Variants in KCNJ6 observed in about 807,000 individuals in gnomAD.
KCNJ6 encodes the protein potassium inwardly rectifying channel subfamily J member 6.
KCNJ6 carries 9 observed loss-of-function variants against 34.2 expected under a neutral mutation model. The observed-to-expected ratio is 0.26, with a 90% CI of 0.16 to 0.46. The LOEUF (loss-of-function observed/expected upper bound fraction) is 0.46. Among genes scored for constraint, KCNJ6 ranks in the 20% least tolerant of loss-of-function variants. The pLI is 1.00. For synonymous variants in KCNJ6, 196 were observed against 207.1 expected, an observed-to-expected ratio of 0.95 and a Z score of 0.46; for missense variants, 236 against 531.3, an observed-to-expected ratio of 0.44 and a Z score of 5.46.
At chr21:37,717,304 A>G (rs970547302) in intron 2 of KCNJ6, 1 of 151,406 alleles carries the variant, frequency 6.6e-6, no homozygotes, top group Non-Finnish European at 1.5e-5. Flanking sequence ...GGGGCTGTTG[A>G]GGTTGGGAGG....
At chr21:37,884,435 T>C (rs532789005) in intron 1 of KCNJ6, among the ~76,000 whole-genome samples, 27 of 152,090 alleles carry the variant, frequency 1.8e-4, no homozygotes, top group Admixed American at 6.6e-4. Context: ...TCCTTTCTGT[T>C]TCCATCACAG....
At chr21:37,680,374 G>C (rs1476180894) in intron 3 of KCNJ6, among the ~76,000 whole-genome samples, 1 of 152,170 alleles carries the variant, frequency 6.6e-6, no homozygotes, top group African/African-American at 2.4e-5. Flanking sequence ...CGAGCTCACA[G>C]AACAGTTGAC....
At chr21:37,771,800 G>A (rs76116721) in intron 2 of KCNJ6, among the ~76,000 whole-genome samples, 10 of 152,130 alleles carry the variant, frequency 6.6e-5, no homozygotes, top group African/African-American at 2.4e-4. Flanking sequence ...TGCTTTTTTC[G>A]GGGGGAAAAT....
rs147625179 is a variant in KCNJ6, at chr21:37,665,247, T to C, written c.947-39763A>G. Among the ~76,000 whole-genome samples the C allele has an allele frequency of 3.3e-3, 508 of 152,320 alleles. 2 individuals are homozygous for C. The highest frequency in any genetic ancestry group is 0.01 in the African/African-American group (420 of 41,568). On this transcript the variant is annotated intron_variant, in intron 3 of 3. Coordinates refer to ENST00000609713, the MANE Select transcript of KCNJ6 (RefSeq NM_002240.5). ...AAGGTTCACTGGCACATAGGATGCATTAAATAAACAGTAACTATTATTATC... is the reference window on the plus strand; with the variant it reads ...AAGGTTCACTGGCACATAGGATGCACTAAATAAACAGTAACTATTATTATC...
intron 3 of KCNJ6, among the ~76,000 whole-genome samples, chr21:37,684,045 T>C (rs1337806097): frequency 1.3e-5 from 2 of 152,228 alleles, no homozygotes; most frequent in Non-Finnish European, 2.9e-5. Flanking sequence ...AAACAAGAAA[T>C]GATCAAACTG....
chr21:37,714,809 G>T lies in KCNJ6; in HGVS notation c.348C>A (p.Tyr116Ter). ...FFGMIWWLIA[Y>*]IRGDMDHIED... The stretch of plus-strand genomic sequence containing the variant: ...CTATGTGGTCCATGTCTCCCCGTAT[G>T]TATGCGATCAACCACCAGATCATTC... Residue 116 changes from tyrosine to a stop codon, truncating the protein, a stop_gained, in exon 3 of 4, where the codon TAC becomes TAA. Transcript: ENST00000609713. LOFTEE classifies it high-confidence loss of function. The surrounding 1 kb of genome is among the most constrained non-coding windows in gnomAD (Gnocchi z 5.9). 6.2e-7 allele frequency: 1 copy of T among 1,614,206 alleles called. No homozygotes were observed. The highest frequency in any genetic ancestry group is 8.5e-7 in the Non-Finnish European group (1 of 1,180,050).
At chr21:37,677,861 C>G (rs2054573821) in intron 3 of KCNJ6, among the ~76,000 whole-genome samples, 1 of 151,372 alleles carries the variant, frequency 6.6e-6, no homozygotes, top group Non-Finnish European at 1.5e-5. Context: ...ATTCATCAAC[C>G]CATTCATCAA....
At chr21:37,794,519 C>T (rs914329046) in intron 2 of KCNJ6, among the ~76,000 whole-genome samples, 1 of 152,186 alleles carries the variant, frequency 6.6e-6, no homozygotes, top group African/African-American at 2.4e-5. Context: ...AGTTCTTTAT[C>T]GTTACACATG....
chr21:37,868,203 G>T (rs1406921628), intron 1 of KCNJ6, among the ~76,000 whole-genome samples: 1 of 152,170 alleles, frequency 6.6e-6, no homozygotes, highest in Non-Finnish European at 1.5e-5. Context: ...CAATAAATAC[G>T]GTGGAGGGTA....
intron 2 of KCNJ6, among the ~76,000 whole-genome samples, chr21:37,822,198 T>C (rs2055376073): frequency 6.6e-6 from 1 of 152,194 alleles, no homozygotes. Context: ...GACAGGTCCC[T>C]TGTCATGCTA....
intron 3 of KCNJ6, among the ~76,000 whole-genome samples, chr21:37,699,448 T>A (rs1435943515): frequency 6.6e-6 from 1 of 152,218 alleles, no homozygotes. Context: ...TACCTCATAT[T>A]CATATTAATT....
intron 3 of KCNJ6, among the ~76,000 whole-genome samples, chr21:37,629,914 G>T (rs2051163): frequency 1.5e-5 from 1 of 65,872 alleles, no homozygotes; most frequent in Non-Finnish European, 4.2e-5. Context: ...ATTTAAAAAA[G>T]GATAAAAAAG....
At chr21:37,836,400 A>G (rs2123573565) in intron 2 of KCNJ6, among the ~76,000 whole-genome samples, 1 of 152,306 alleles carries the variant, frequency 6.6e-6, no homozygotes. Flanking sequence ...TATATACCCA[A>G]AGGATTATAA....
intron 1 of KCNJ6, among the ~76,000 whole-genome samples, chr21:37,882,318 G>T (rs2055713271): frequency 6.6e-6 from 1 of 152,128 alleles, no homozygotes; most frequent in African/African-American, 2.4e-5. Context: ...ACAGGCTTGG[G>T]TTTCTTGGTA....
At chr21:37,655,234 A>T (rs1385872023) in intron 3 of KCNJ6, among the ~76,000 whole-genome samples, 155 of 2,264 alleles carry the variant, frequency 0.068, 4 homozygotes, top group African/African-American at 0.18. Context: ...TGAGAGAGAG[A>T]GAGAGAGAGA....
chr21:37,787,844 T>C (rs186738769), intron 2 of KCNJ6, among the ~76,000 whole-genome samples: 7 of 152,324 alleles, frequency 4.6e-5, no homozygotes, highest in African/African-American at 1.2e-4. Flanking sequence ...AGACTAGTCA[T>C]GGAAAGGTCA....
chr21:37,775,737 T>G (rs1245418103), intron 2 of KCNJ6, among the ~76,000 whole-genome samples: 3 of 152,190 alleles, frequency 2.0e-5, no homozygotes, highest in African/African-American at 7.2e-5. Context: ...AGTACCATGC[T>G]GTTTTGGTTA....
chr21:37,805,820 G>A (rs781050000), intron 2 of KCNJ6, among the ~76,000 whole-genome samples: 1 of 152,160 alleles, frequency 6.6e-6, no homozygotes, highest in South Asian at 2.1e-4. Context: ...GCAGTGATGC[G>A]TCTGCAAGCC....
At chr21:37,702,829 T>C (rs1287349243) in intron 3 of KCNJ6, among the ~76,000 whole-genome samples, 3 of 152,022 alleles carry the variant, frequency 2.0e-5, no homozygotes, top group Non-Finnish European at 4.4e-5. Context: ...AGGGGAGTCA[T>C]GAGTGCCAAG....
Sources: allele counts gnomAD v4.1 joint callset (sites outside exome capture counted in the v4.1 genomes callset), GRCh38; gene constraint gnomAD v4.1.1; non-coding constraint Gnocchi (gnomAD v3.1); transcripts MANE v1.5; gene names NCBI Gene and HGNC (gene_info 2026-07-23, HGNC 2026-07-21).